Variants in GALNT13 observed in about 807,000 individuals in gnomAD.
The protein encoded by GALNT13 is UDP-GalNAc:polypeptide N-acetylgalactosaminyltransferase 13.
A neutral mutation model predicts 64.2 loss-of-function variants in GALNT13; 28 were observed. The observed-to-expected ratio is 0.44, with a 90% confidence interval of 0.32 to 0.60. The LOEUF (loss-of-function observed/expected upper bound fraction) is 0.60. Among genes scored for constraint, GALNT13 ranks in the 20% least tolerant of loss-of-function variants. The probability of loss-of-function intolerance (pLI) is 0.05; values close to 1 mark genes in which losing one functional copy is unlikely to be tolerated. For synonymous variants in GALNT13, 214 were observed against 224.6 expected (o/e 0.95, Z 0.42); for missense variants, 577 against 669.8 (o/e 0.86, Z 1.53).
At chr2:154,116,923 C>T (rs994465526) in intron 3 of GALNT13, among the ~76,000 whole-genome samples, 5 of 152,068 alleles carry the variant, frequency 3.3e-5, no homozygotes, top group East Asian at 3.9e-4. Flanking sequence ...GAGTTTATTA[C>T]GTATTCACTC....
chr2:154,135,197 T>TCCTGCCTA (rs1371422215), intron 3 of GALNT13, among the ~76,000 whole-genome samples: 1 of 152,156 alleles, frequency 6.6e-6, no homozygotes, highest in East Asian at 1.9e-4. Flanking sequence ...CTGCCTGCCT[T>TCCTGCCTA]CCTGCCTACC....
intron 4 of GALNT13, among the ~76,000 whole-genome samples, chr2:154,196,218 G>C (rs1428272748): frequency 6.7e-6 from 1 of 148,504 alleles, no homozygotes; most frequent in Non-Finnish European, 1.5e-5. Flanking sequence ...GAAATGATCT[G>C]ATACTCAAAA....
chr2:154,305,406 C>T (rs142866788), intron 9 of GALNT13, among the ~76,000 whole-genome samples: 90 of 152,134 alleles, frequency 5.9e-4, no homozygotes, highest in Non-Finnish European at 8.8e-4. Context: ...CACACACACA[C>T]GCGTATTTAT....
At chr2:153,643,248 T>C in the GALNT13 span, among the ~76,000 whole-genome samples, 1 of 151,382 alleles carries the variant, frequency 6.6e-6, no homozygotes, top group Non-Finnish European at 1.5e-5. Flanking sequence ...ATAAACAAAT[T>C]TCTAGTAACT....
At chr2:153,317,946 T>C in the GALNT13 span, among the ~76,000 whole-genome samples, 2 of 152,086 alleles carry the variant, frequency 1.3e-5, no homozygotes, top group African/African-American at 4.8e-5. Flanking sequence ...TCTCAATCCC[T>C]GGTTGACAAA....
intron 8 of GALNT13, chr2:154,286,876 T>C (rs920099000): frequency 2.4e-6 from 1 of 419,590 alleles, no homozygotes; most frequent in Non-Finnish European, 4.6e-6. Flanking sequence ...TTGTATCCTC[T>C]TCTGGCCTGT....
At chr2:154,123,283 T>G (rs1261634859) in intron 3 of GALNT13, among the ~76,000 whole-genome samples, 1 of 151,932 alleles carries the variant, frequency 6.6e-6, no homozygotes, top group Admixed American at 6.6e-5. Flanking sequence ...GAGAAAGTAT[T>G]TTTTTGTTCA....
At chr2:153,958,296 G>C (rs774504541) in intron 3 of GALNT13, among the ~76,000 whole-genome samples, 2 of 152,148 alleles carry the variant, frequency 1.3e-5, no homozygotes, top group Non-Finnish European at 2.9e-5. Flanking sequence ...GCAGCTGGGA[G>C]GGGATCCTTT....
At chr2:153,166,415 T>C in the GALNT13 span, among the ~76,000 whole-genome samples, 1 of 152,070 alleles carries the variant, frequency 6.6e-6, no homozygotes. Context: ...AAACCAGGAA[T>C]TGTATTAAAA....
chr2:153,630,816 TTTTTTTTTA>T, the GALNT13 span, among the ~76,000 whole-genome samples: 1 of 87,250 alleles, frequency 1.1e-5, no homozygotes, highest in Non-Finnish European at 2.5e-5. Context: ...TATTTTTTTT[TTTTTTTTTA>T]TTATACTTTA....
At chr2:153,330,263 C>A in the GALNT13 span, among the ~76,000 whole-genome samples, 1 of 152,042 alleles carries the variant, frequency 6.6e-6, no homozygotes, top group African/African-American at 2.4e-5. Context: ...TATTTGGGCT[C>A]TTTTTTGGTT....
At chr2:153,262,087 C>G in the GALNT13 span, among the ~76,000 whole-genome samples, 2 of 152,254 alleles carry the variant, frequency 1.3e-5, no homozygotes, top group African/African-American at 4.8e-5. Context: ...AGATGCAAGA[C>G]CGAGTCCCCT....
intron 9 of GALNT13, among the ~76,000 whole-genome samples, chr2:154,382,905 C>T (rs1698340978): frequency 6.6e-6 from 1 of 151,590 alleles, no homozygotes; most frequent in Admixed American, 6.6e-5. Context: ...TCAAAATCAC[C>T]CTGGTACAGA....
At chr2:154,088,281 C>A (rs1337354230) in intron 3 of GALNT13, among the ~76,000 whole-genome samples, 1 of 152,076 alleles carries the variant, frequency 6.6e-6, no homozygotes, top group Non-Finnish European at 1.5e-5. Context: ...AAAAAACTAT[C>A]CTGTACTTTA....
At chr2:153,923,372 A>G (rs1395597954) in intron 2 of GALNT13, among the ~76,000 whole-genome samples, 1 of 152,206 alleles carries the variant, frequency 6.6e-6, no homozygotes, top group Non-Finnish European at 1.5e-5. Context: ...AAATTATAAT[A>G]GAACCAATTA....
rs145821707 is a variant in GALNT13 at position 154,204,404 on chromosome 2, C to A, written c.312-37626C>A. Among the ~76,000 whole-genome samples the A allele has an allele frequency of 2.0e-3, 307 of 152,234 alleles. 2 individuals are homozygous for A. Among genetic ancestry groups the A allele is most frequent in the Admixed American group, 3.7e-3 (56 of 15,288 alleles). Reference sequence around the variant, plus strand: ...ACTGTAGGTATGCAATAAATATTAACTGAATAAATAAAATAATACATTTCA... The same window carrying A: ...ACTGTAGGTATGCAATAAATATTAAATGAATAAATAAAATAATACATTTCA... On this transcript the variant is annotated intron_variant, in intron 4 of 12. Transcript: ENST00000392825.
At chr2:153,374,342 T>C in the GALNT13 span, among the ~76,000 whole-genome samples, 2 of 152,178 alleles carry the variant, frequency 1.3e-5, no homozygotes, top group African/African-American at 4.8e-5. Flanking sequence ...ATTAGTAATG[T>C]TGAGCATCTT....
At chr2:153,329,069 G>T in the GALNT13 span, among the ~76,000 whole-genome samples, 1 of 152,008 alleles carries the variant, frequency 6.6e-6, no homozygotes, top group Non-Finnish European at 1.5e-5. Flanking sequence ...GGAGTTCCCA[G>T]ACCTCTTGTG....
chr2:153,436,541 C>T, the GALNT13 span, among the ~76,000 whole-genome samples: 1 of 152,160 alleles, frequency 6.6e-6, no homozygotes, highest in Non-Finnish European at 1.5e-5. Context: ...TCACCTTCTT[C>T]CTGGTTTAGT....
Sources: gnomAD v4.1 joint callset for allele counts (sites outside exome capture counted in the v4.1 genomes callset) on GRCh38, gnomAD v4.1.1 for gene constraint, MANE v1.5 for transcripts, NCBI Gene and HGNC (gene_info 2026-07-23, HGNC 2026-07-21) for gene names.